The following LRP5 variants were observed in gnomAD, a reference collection of about 807,000 sequenced individuals.
The protein encoded by LRP5 is low-density lipoprotein receptor-related protein 5.
Under a neutral mutation model 154.1 loss-of-function variants are expected in LRP5, and 62 were observed. That is an observed-to-expected ratio of 0.40 (90% confidence interval 0.33 to 0.50). The LOEUF is 0.50. Ranked by LOEUF, LRP5 falls within the 20% of genes least tolerant of loss-of-function variation. LRP5 has a pLI of 0.55. For synonymous variants in LRP5, 966 were observed against 1,011.5 expected, an observed-to-expected ratio of 0.96 and a Z score of 0.85; for missense variants, 1,915 against 2,336.7, an observed-to-expected ratio of 0.82 and a Z score of 3.72.
At chr11:68,427,562 C>G (rs2098669466) in intron 16 of LRP5, among the ~76,000 whole-genome samples, 1 of 152,110 alleles carries the variant, frequency 6.6e-6, no homozygotes, top group Non-Finnish European at 1.5e-5. Context: ...CGCCTGTATT[C>G]CCAGCTACTG....
chr11:68,448,205 A>G (rs188703840), intron 22 of LRP5, among the ~76,000 whole-genome samples: 218 of 152,322 alleles, frequency 1.4e-3, no homozygotes, highest in African/African-American at 4.9e-3. Flanking sequence ...CGAGAACAGT[A>G]TGGGGGGAAC....
chr11:68,364,001 C>T (rs1008447673), intron 4 of LRP5, 58 bp downstream of exon 4: 4 of 72,552 alleles, frequency 5.5e-5, no homozygotes, highest in Non-Finnish European at 7.9e-5. Context: ...AGCGGGGGCG[C>T]GGGGCAGGGG....
At chr11:68,409,063 A>ATATATATATAT (rs1318843298) in intron 9 of LRP5, among the ~76,000 whole-genome samples, 1 of 27,006 alleles carries the variant, frequency 3.7e-5, no homozygotes, top group Admixed American at 4.9e-4. Flanking sequence ...AAAAAAAAAA[A>ATATATATATAT]AAAAAAAAAA....
intron 7 of LRP5, among the ~76,000 whole-genome samples, chr11:68,402,421 G>A (rs557081027): frequency 1.3e-5 from 2 of 152,298 alleles, no homozygotes; most frequent in East Asian, 1.9e-4. Flanking sequence ...ACATCTCAGA[G>A]GAGACAGGGT....
intron 1 of LRP5, among the ~76,000 whole-genome samples, chr11:68,315,447 C>T (rs144744333): frequency 2.6e-5 from 4 of 152,226 alleles, no homozygotes; most frequent in African/African-American, 4.8e-5. Flanking sequence ...AGAGCCCCTG[C>T]GCCCAGGGTC....
intron 16 of LRP5, among the ~76,000 whole-genome samples, chr11:68,427,878 G>A (rs183659086): frequency 2.0e-5 from 3 of 152,198 alleles, no homozygotes; most frequent in South Asian, 4.1e-4. Flanking sequence ...CTCATTGTCC[G>A]GGTGTTGGAC....
chr11:68,443,092 A>G (rs1352849046), intron 21 of LRP5, among the ~76,000 whole-genome samples: 1 of 152,094 alleles, frequency 6.6e-6, no homozygotes, highest in East Asian at 1.9e-4. Context: ...CACTGGCAAA[A>G]CGGTCCCTGG....
chr11:68,407,646 G>A, intron 9 of LRP5, among the ~76,000 whole-genome samples: 1 of 149,090 alleles, frequency 6.7e-6, no homozygotes, highest in Non-Finnish European at 1.5e-5. Context: ...TTCGAGACCA[G>A]CCTCACCCAC....
chr11:68,443,391 G>A (rs950671358), intron 21 of LRP5, among the ~76,000 whole-genome samples: 1 of 146,076 alleles, frequency 6.8e-6, no homozygotes, highest in African/African-American at 2.5e-5. Flanking sequence ...TTGGGAGTCT[G>A]AAGCATGAGA....
chr11:68,372,863 G>A (rs1470772548), intron 5 of LRP5, among the ~76,000 whole-genome samples: 8 of 152,074 alleles, frequency 5.3e-5, no homozygotes, highest in Non-Finnish European at 8.8e-5. Context: ...TGTGCTGGGC[G>A]CTTCAGGCGT....
At chr11:68,442,079 C>A (rs779698161) in intron 21 of LRP5, among the ~76,000 whole-genome samples, 1 of 152,234 alleles carries the variant, frequency 6.6e-6, no homozygotes, top group African/African-American at 2.4e-5. Flanking sequence ...TGTACATATG[C>A]AAGCATACAA....
chr11:68,384,696 C>T (rs973725828), intron 5 of LRP5, among the ~76,000 whole-genome samples: 8 of 152,094 alleles, frequency 5.3e-5, no homozygotes, highest in South Asian at 2.1e-4. Context: ...ATGCTGATAC[C>T]GTTGTGTGTG....
chr11:68,305,352 A>G, the LRP5 span, among the ~76,000 whole-genome samples: 10 of 152,006 alleles, frequency 6.6e-5, no homozygotes, highest in African/African-American at 2.4e-4. Flanking sequence ...CCAGCAACCA[A>G]GCAGATGCCG....
rs796930733 is a variant in LRP5, at chr11:68,347,695, C to T, written c.92-152C>T. ...GGGCCGGGGCTGCCCAGGCAACTTC[C>T]TGACAACGCCTTAGGGGTGGGAGGA... On this transcript the variant is annotated intron_variant, in intron 1 of 22. Transcript: ENST00000294304. 1.1e-5 allele frequency: 11 copies of T among 958,222 alleles called. No individual in the cohort carries two copies. The East Asian group carries it at 1.2e-4, about 11-fold the overall frequency. The allele number at this position is 958,222 out of a possible 1,614,324, so 59.4% of individuals were successfully genotyped here.
At chr11:68,371,211 GT>G (rs1280453885) in intron 5 of LRP5, among the ~76,000 whole-genome samples, 1 of 152,196 alleles carries the variant, frequency 6.6e-6, no homozygotes, top group African/African-American at 2.4e-5. Context: ...CATTTCAAGG[GT>G]TTGTCACCAG....
At chr11:68,381,558 C>T (rs1479598510) in intron 5 of LRP5, among the ~76,000 whole-genome samples, 2 of 152,110 alleles carry the variant, frequency 1.3e-5, no homozygotes, top group East Asian at 1.9e-4. Context: ...CTCCTGCATG[C>T]GTGCAGGGAG....
chr11:68,402,203 G>A (rs1350044996), intron 7 of LRP5, among the ~76,000 whole-genome samples: 4 of 152,184 alleles, frequency 2.6e-5, no homozygotes, highest in Non-Finnish European at 5.9e-5. Flanking sequence ...CTGAGAGCCG[G>A]AGAACTTGGA....
At position 68,448,954 on chromosome 11, in the gene LRP5, A is replaced by G; in HGVS notation, c.4732A>G (p.Thr1578Ala). The change falls in exon 23 of 23, where the codon ACG (threonine) becomes GCG (alanine). Residue 1578 changes from threonine (T) to alanine (A), a missense_variant. Thr to Ala is a moderately conservative substitution (Grantham distance 58, BLOSUM62 0). This residue lies in a region of LRP5 where 1,094 missense variants were observed against 1,210.1 expected (regional missense o/e 0.90). Transcript: ENST00000294304. Reference sequence around the variant, plus strand: ...CTCAGACCCCTATCCACCCCCACCCACGCCCCACAGCCAGTACCTGTCGGC... The same window carrying G: ...CTCAGACCCCTATCCACCCCCACCCGCGCCCCACAGCCAGTACCTGTCGGC... ...SDSDPYPPPP[T>A]PHSQYLSAED... The G allele has an allele frequency of 2.5e-6, 4 of 1,610,052 alleles. No homozygotes were observed. Among genetic ancestry groups the G allele is most frequent in the Non-Finnish European group, 3.4e-6 (4 of 1,179,090 alleles).
In LRP5 at chr11:68,413,203, T is replaced by G; in HGVS notation, c.2504-486T>G. ...ATTAAGCTCATTAATCACCCCGGAG[T>G]GAGGACAGACTCAGATGAAAACCAG... On this transcript the variant is annotated intron_variant, in intron 11 of 22. Transcript: ENST00000294304. This position sits in a 1 kb window ranked among gnomAD's most constrained non-coding sequence, Gnocchi z 5.1. 4.0e-6 allele frequency: 1 copy of G among 252,266 alleles called. No homozygotes were observed. The highest frequency in any genetic ancestry group is 6.1e-5 in the East Asian group (1 of 16,418). 15.6% of individuals were successfully genotyped at this position (252,266 alleles called of 1,614,324 possible). A position where few individuals can be genotyped will look rare whatever the true frequency, so the allele number is the denominator to read the frequency against.
Sources: gnomAD v4.1 joint callset for allele counts (sites outside exome capture counted in the v4.1 genomes callset) on GRCh38, gnomAD v4.1.1 for gene constraint, gnomAD v4.1.1 regional missense constraint, Gnocchi (gnomAD v3.1) non-coding constraint, MANE v1.5 for transcripts, NCBI Gene and HGNC (gene_info 2026-07-23, HGNC 2026-07-21) for gene names.